Variants in BTD observed in about 807,000 individuals in gnomAD.
BTD encodes biocytinase.
BTD carries 13 observed loss-of-function variants against 17.7 expected under a neutral mutation model. That is an observed-to-expected ratio of 0.74 (90% confidence interval 0.48 to 1.17). The LOEUF (loss-of-function observed/expected upper bound fraction) is 1.17. BTD is among the 50% of genes most tolerant of loss of function. The pLI is 0.00. For missense variants in BTD, 674 were observed against 650.4 expected (o/e 1.04, Z -0.39); for synonymous variants, 240 against 245.2 (o/e 0.98, Z 0.20).
At chr3:15,709,095 C>T (rs2071868803) in intron 3 of BTD, among the ~76,000 whole-genome samples, 1 of 152,138 alleles carries the variant, frequency 6.6e-6, no homozygotes, top group East Asian at 1.9e-4. Context: ...AACAATGAGG[C>T]CTGCTGAATG....
At chr3:15,618,451 T>C (rs2064853680) in intron 1 of BTD, among the ~76,000 whole-genome samples, 1 of 152,228 alleles carries the variant, frequency 6.6e-6, no homozygotes, top group Non-Finnish European at 1.5e-5. Context: ...ATGCAGACCT[T>C]AAACATTTTT....
rs563293060 is a variant in BTD at position 15,662,880 on chromosome 3, T to C, written c.399+20823T>C. 1.2e-4 allele frequency among the ~76,000 whole-genome samples: 18 copies of C among 150,170 alleles called. No individual in the cohort carries two copies. The East Asian group carries it at 3.3e-3, about 28-fold the overall frequency. On this transcript the variant is annotated intron_variant, in intron 3 of 3. Transcript: ENST00000672141. ...TTTTTTTTTTTTTTTTTAATAGATG[T>C]TCTTTATCTAGTTGAGGAAGTTCCC...
intron 4 of BTD, chr3:15,721,139 G>C: frequency 6.3e-7 from 1 of 1,591,112 alleles, no homozygotes; most frequent in Non-Finnish European, 8.6e-7. Context: ...TATTAGAAGG[G>C]AAAAAAATGC....
intron 3 of BTD, chr3:15,696,365 A>G (rs1383064557): frequency 1.6e-6 from 1 of 608,870 alleles, no homozygotes; most frequent in Non-Finnish European, 2.8e-6. Context: ...TAAAAATCAT[A>G]AATGTATTAC....
chr3:15,705,290 A>G (rs1423042428), intron 3 of BTD, among the ~76,000 whole-genome samples: 1 of 152,214 alleles, frequency 6.6e-6, no homozygotes, highest in African/African-American at 2.4e-5. Flanking sequence ...CACATCTCCA[A>G]CACTATGGGT....
At chr3:15,602,928 T>C (rs1160453937) in intron 1 of BTD, among the ~76,000 whole-genome samples, 3 of 152,168 alleles carry the variant, frequency 2.0e-5, no homozygotes, top group Non-Finnish European at 4.4e-5. Flanking sequence ...CAGTTCCAAA[T>C]GGCTACGGAG....
chr3:15,643,049 AT>A (rs201683597), intron 3 of BTD, among the ~76,000 whole-genome samples: 3,984 of 64,672 alleles, frequency 0.062, 263 homozygotes, highest in African/African-American at 0.21. Context: ...AAAAAATAAA[AT>A]AAAATAAAGA....
chr3:15,628,243 C>T (rs2065115064), intron 1 of BTD, among the ~76,000 whole-genome samples: 1 of 152,224 alleles, frequency 6.6e-6, no homozygotes, highest in Non-Finnish European at 1.5e-5. Context: ...TCTGTATCCA[C>T]CACAGGCTTA....
At chr3:15,699,599 G>A (rs1448362863) in intron 3 of BTD, among the ~76,000 whole-genome samples, 1 of 152,160 alleles carries the variant, frequency 6.6e-6, no homozygotes, top group East Asian at 1.9e-4. Context: ...CTTCTCAAAA[G>A]ATGACATTTA....
chr3:15,718,041 G>A (rs896225281), intron 4 of BTD, among the ~76,000 whole-genome samples: 2 of 152,116 alleles, frequency 1.3e-5, no homozygotes, highest in African/African-American at 2.4e-5. Flanking sequence ...AAGGGCAAGT[G>A]TAAAGTGTCC....
chr3:15,671,080 CACTT>C (rs1434489420), intron 3 of BTD, among the ~76,000 whole-genome samples: 1 of 152,222 alleles, frequency 6.6e-6, no homozygotes, highest in East Asian at 1.9e-4. Flanking sequence ...GAATGAATGA[CACTT>C]AGTTGTCAAT....
Position 15,646,007 on chromosome 3 carries a change from A to G in BTD, c.*519A>G, listed in dbSNP as rs2065686841. Reference sequence around the variant, plus strand: ...TCTGGTCGACCAGAACTCTAGCCAGATGAAATGGCAATGCTAGCGCCACCA... The same window carrying G: ...TCTGGTCGACCAGAACTCTAGCCAGGTGAAATGGCAATGCTAGCGCCACCA... On this transcript the variant is annotated 3_prime_UTR_variant, in exon 4 of 4. Coordinates refer to ENST00000643237, the MANE Select transcript of BTD (RefSeq NM_001370658.1). The G allele has an allele frequency of 6.5e-6, 1 of 152,878 alleles. No individual in the cohort carries two copies. Among genetic ancestry groups the G allele is most frequent in the Admixed American group, 6.5e-5 (1 of 15,324 alleles). The allele number at this position is 152,878 out of a possible 1,614,324, so 9.5% of individuals were successfully genotyped here.
rs954797607 is a variant in BTD, at chr3:15,648,305, A to C, written c.*2817A>C. ...TAAAAGTATGAAATGTTTTGTGCAC[A>C]AAGGCCTAGATTTGAGACAAGAGCT... On this transcript the variant is annotated 3_prime_UTR_variant, in exon 4 of 4. Transcript: ENST00000643237. Among the ~76,000 whole-genome samples the C allele has an allele frequency of 6.6e-6, 1 of 152,218 alleles. No individual in the cohort carries two copies. The highest frequency in any genetic ancestry group is 2.4e-5 in the African/African-American group (1 of 41,452).
At chr3:15,694,828 G>C (rs1321198554) in intron 3 of BTD, 1 of 1,611,136 alleles carries the variant, frequency 6.2e-7, no homozygotes, top group Non-Finnish European at 8.5e-7. Flanking sequence ...AAAAGAAGAG[G>C]CATTTTAAAT....
At chr3:15,619,556 A>G (rs2064890579) in intron 1 of BTD, among the ~76,000 whole-genome samples, 1 of 152,240 alleles carries the variant, frequency 6.6e-6, no homozygotes, top group South Asian at 2.1e-4. Context: ...GTTAGATTCA[A>G]TTTGCTAATA....
intron 3 of BTD, among the ~76,000 whole-genome samples, chr3:15,699,979 C>G (rs1484015676): frequency 6.6e-6 from 1 of 152,198 alleles, no homozygotes; most frequent in Non-Finnish European, 1.5e-5. Flanking sequence ...AGACTTGGAA[C>G]CAACCCAAAT....
chr3:15,634,543 G>A (rs1461572311), intron 1 of BTD, among the ~76,000 whole-genome samples: 1 of 152,202 alleles, frequency 6.6e-6, no homozygotes, highest in Non-Finnish European at 1.5e-5. Flanking sequence ...GAGACACACA[G>A]AAGTATCATT....
chr3:15,615,440 T>C (rs2064765312), intron 1 of BTD, among the ~76,000 whole-genome samples: 1 of 152,234 alleles, frequency 6.6e-6, no homozygotes, highest in South Asian at 2.1e-4. Context: ...GGTTCCTAGC[T>C]ATATGCACAG....
intron 3 of BTD, among the ~76,000 whole-genome samples, chr3:15,688,807 T>C (rs985525232): frequency 6.6e-6 from 1 of 152,256 alleles, no homozygotes. Context: ...TTTTAACGTA[T>C]CTGCTACATC....
Sources: gnomAD v4.1 joint callset for allele counts (sites outside exome capture counted in the v4.1 genomes callset) on GRCh38, gnomAD v4.1.1 for gene constraint, MANE v1.5 for transcripts, NCBI Gene and HGNC (gene_info 2026-07-23, HGNC 2026-07-21) for gene names.